LMBR1: variants seen among roughly 807,000 people sequenced by gnomAD.
LMBR1 encodes the protein limb development membrane protein 1, also known as limb region 1 protein homolog.
Under a neutral mutation model 73.9 loss-of-function variants are expected in LMBR1, and 52 were observed. The ratio of observed to expected loss-of-function variants is 0.70; its 90% CI spans 0.56 to 0.89. The LOEUF (loss-of-function observed/expected upper bound fraction) is 0.89, where lower values mean the gene tolerates loss of function less well. Among genes scored for constraint, LMBR1 ranks in the 40% least tolerant of loss-of-function variants. The pLI is 0.00. For synonymous variants in LMBR1, 215 were observed against 209.4 expected, an observed-to-expected ratio of 1.03 and a Z score of -0.23; for missense variants, 539 against 579.8, an observed-to-expected ratio of 0.93 and a Z score of 0.72.
intron 9 of LMBR1, among the ~76,000 whole-genome samples, chr7:156,745,825 A>T (rs970916515): frequency 6.6e-6 from 1 of 152,230 alleles, no homozygotes; most frequent in Non-Finnish European, 1.5e-5. Context: ...CTTTCAAAGA[A>T]CCTGAGATCT....
intron 9 of LMBR1, chr7:156,747,930 C>T (rs1243450439): frequency 2.6e-5 from 4 of 152,180 alleles, no homozygotes; most frequent in Non-Finnish European, 5.9e-5. Context: ...TTACTGTACA[C>T]CACAGAGCCA....
chr7:156,770,748 T>C (rs1384990408), intron 5 of LMBR1, among the ~76,000 whole-genome samples: 1 of 151,978 alleles, frequency 6.6e-6, no homozygotes, highest in East Asian at 1.9e-4. Context: ...ACCTTATCTC[T>C]AACAAAAATT....
At chr7:156,754,213 T>C (rs1266952601) in intron 9 of LMBR1, among the ~76,000 whole-genome samples, 1 of 152,202 alleles carries the variant, frequency 6.6e-6, no homozygotes, top group Non-Finnish European at 1.5e-5. Flanking sequence ...TCCCAATAGC[T>C]TTATGCCTAC....
intron 5 of LMBR1, among the ~76,000 whole-genome samples, chr7:156,782,080 A>G (rs986574111): frequency 2.0e-5 from 3 of 152,264 alleles, no homozygotes; most frequent in Non-Finnish European, 4.4e-5. Flanking sequence ...AGAATCATAT[A>G]GAATTTGTCC....
chr7:156,794,691 T>C (rs1233469425), intron 5 of LMBR1, among the ~76,000 whole-genome samples: 2 of 152,224 alleles, frequency 1.3e-5, no homozygotes, highest in African/African-American at 4.8e-5. Flanking sequence ...CCAAGCTTTA[T>C]CATTTGTTTT....
At chr7:156,693,940 G>A (rs369962588) in intron 15 of LMBR1, among the ~76,000 whole-genome samples, 41 of 152,246 alleles carry the variant, frequency 2.7e-4, no homozygotes, top group Admixed American at 3.9e-4. Context: ...TAATAGGATC[G>A]TACGCCCTAG....
intron 5 of LMBR1, among the ~76,000 whole-genome samples, chr7:156,792,557 G>A (rs991363406): frequency 6.6e-6 from 1 of 152,178 alleles, no homozygotes; most frequent in Admixed American, 6.5e-5. Flanking sequence ...GAATAGCAAG[G>A]AGATGGTCCT....
intron 9 of LMBR1, among the ~76,000 whole-genome samples, chr7:156,750,674 T>C (rs1820710860): frequency 6.6e-6 from 1 of 152,238 alleles, no homozygotes; most frequent in South Asian, 2.1e-4. Context: ...TTTTCATCTA[T>C]TAATTTACTT....
intron 5 of LMBR1, among the ~76,000 whole-genome samples, chr7:156,792,629 C>A (rs1039945510): frequency 1.3e-5 from 2 of 152,170 alleles, no homozygotes; most frequent in Non-Finnish European, 2.9e-5. Flanking sequence ...TATTGAAGGC[C>A]CTTAAAAGGA....
intron 5 of LMBR1, among the ~76,000 whole-genome samples, chr7:156,776,429 C>G (rs1446026873): frequency 1.3e-5 from 2 of 152,184 alleles, no homozygotes; most frequent in Non-Finnish European, 2.9e-5. Context: ...CCTAGCTCAT[C>G]ACCTCAATTC....
At chr7:156,689,162 T>C (rs1440277063) in intron 15 of LMBR1, among the ~76,000 whole-genome samples, 1 of 152,106 alleles carries the variant, frequency 6.6e-6, no homozygotes, top group Non-Finnish European at 1.5e-5. Context: ...ACATGAATGG[T>C]AGGATTTTTC....
At chr7:156,691,070 A>G (rs756879853) in intron 15 of LMBR1, among the ~76,000 whole-genome samples, 20 of 152,230 alleles carry the variant, frequency 1.3e-4, no homozygotes, top group Non-Finnish European at 2.4e-4. Flanking sequence ...GCATTTTAAA[A>G]CCAAGCAAAT....
downstream of LMBR1, among the ~76,000 whole-genome samples, chr7:156,675,425 G>A (rs998055298): frequency 1.3e-5 from 2 of 152,130 alleles, no homozygotes; most frequent in African/African-American, 4.8e-5. Context: ...GGGAAGGAAT[G>A]TTTTTTCCTT....
chr7:156,676,189 C>T, downstream of LMBR1: 2 of 1,330,528 alleles, frequency 1.5e-6, no homozygotes, highest in East Asian at 2.5e-5. Flanking sequence ...TTGCTTATCA[C>T]AGGTGGGTTA....
intron 5 of LMBR1, among the ~76,000 whole-genome samples, chr7:156,775,537 C>T (rs1333287052): frequency 2.0e-5 from 3 of 152,116 alleles, no homozygotes; most frequent in African/African-American, 7.2e-5. Context: ...TATCTTAAAT[C>T]ATGGTGAATG....
chr7:156,829,824 C>A (rs1019351769), intron 3 of LMBR1, among the ~76,000 whole-genome samples: 1 of 152,156 alleles, frequency 6.6e-6, no homozygotes, highest in Non-Finnish European at 1.5e-5. Context: ...TCATCTGTGC[C>A]GATCTCTACC....
At chr7:156,778,658 T>TCAGCTTCC (rs746429801) in intron 5 of LMBR1, among the ~76,000 whole-genome samples, 42 of 152,218 alleles carry the variant, frequency 2.8e-4, no homozygotes, top group Non-Finnish European at 5.4e-4. Context: ...CTAGTAAATA[T>TCAGCTTCC]ACAAGTACTC....
At chr7:156,703,527 A>C (rs1810256604) in intron 15 of LMBR1, among the ~76,000 whole-genome samples, 2 of 152,082 alleles carry the variant, frequency 1.3e-5, no homozygotes, top group African/African-American at 4.8e-5. Flanking sequence ...CAAGGGAGGG[A>C]GCACTCCACG....
intron 4 of LMBR1, among the ~76,000 whole-genome samples, chr7:156,804,267 G>C (rs187688790): frequency 1.3e-5 from 2 of 152,176 alleles, no homozygotes; most frequent in East Asian, 3.8e-4. Context: ...AGATTAGATT[G>C]AATCGCTATT....
Sources: gnomAD v4.1 joint callset for allele counts (sites outside exome capture counted in the v4.1 genomes callset) on GRCh38, gnomAD v4.1.1 for gene constraint, MANE v1.5 for transcripts, NCBI Gene and HGNC (gene_info 2026-07-23, HGNC 2026-07-21) for gene names.